The following SLC4A4 variants were observed in gnomAD, a reference collection of about 807,000 sequenced individuals.
SLC4A4 encodes the protein solute carrier family 4 member 4, also known as electrogenic sodium bicarbonate cotransporter 1.
SLC4A4 carries 27 observed loss-of-function variants against 111.5 expected under a neutral mutation model. That is an observed-to-expected ratio of 0.24 (90% CI 0.18 to 0.33). The LOEUF is 0.33. Among genes scored for constraint, SLC4A4 ranks in the 10% least tolerant of loss-of-function variants. The pLI, the probability that SLC4A4 is intolerant of heterozygous loss-of-function variation, is 1.00. For synonymous variants in SLC4A4, 443 were observed against 463.4 expected (o/e 0.96, Z 0.57); for missense variants, 909 against 1,315.5 (o/e 0.69, Z 4.78).
chr4:71,358,557 G>A (rs992505607), intron 6 of SLC4A4, among the ~76,000 whole-genome samples: 4 of 152,140 alleles, frequency 2.6e-5, no homozygotes, highest in African/African-American at 9.7e-5. Flanking sequence ...AACTGGTTAT[G>A]TGCAAATAAT....
At chr4:71,294,998 A>G (rs1417913151) in intron 3 of SLC4A4, among the ~76,000 whole-genome samples, 1 of 152,212 alleles carries the variant, frequency 6.6e-6, no homozygotes, top group African/African-American at 2.4e-5. Context: ...CTGTGCTATA[A>G]TTTCAGGCAT....
chr4:71,492,565 C>T (rs528424373), intron 15 of SLC4A4, among the ~76,000 whole-genome samples: 1 of 152,064 alleles, frequency 6.6e-6, no homozygotes, highest in South Asian at 2.1e-4. Context: ...GGTCTATCCG[C>T]TGTTAGATCC....
rs62302842 is a variant in SLC4A4, at chr4:71,416,072, A to G, written c.807+18419A>G. Among the ~76,000 whole-genome samples, 6 of 152,298 alleles carry G rather than the reference A, an allele frequency of 3.9e-5. No individual in the cohort carries two copies. The South Asian group carries it at 1.2e-3, about 32-fold the overall frequency. On this transcript the variant is annotated intron_variant, in intron 7 of 25. Coordinates refer to ENST00000264485, the MANE Select transcript of SLC4A4 (RefSeq NM_001098484.3). ...TTTCTTCTAGCTCTGTCTAATTCCA[A>G]AGCTTATTCCTGTTTTCACTACTTG...
chr4:71,096,089 G>T (rs1006137477), intron 2 of SLC4A4, among the ~76,000 whole-genome samples: 3 of 152,168 alleles, frequency 2.0e-5, no homozygotes, highest in African/African-American at 7.2e-5. Context: ...AAGGCCGGGA[G>T]AGGGTTTTGG....
chr4:71,220,905 T>C (rs1335420239), intron 1 of SLC4A4, among the ~76,000 whole-genome samples: 2 of 152,278 alleles, frequency 1.3e-5, no homozygotes, highest in East Asian at 3.9e-4. Context: ...GTGTCTGTTA[T>C]TTCCTTCTTT....
At chr4:71,329,177 T>C (rs77144177) in intron 3 of SLC4A4, among the ~76,000 whole-genome samples, 11,599 of 152,120 alleles carry the variant, frequency 0.076, 812 homozygotes, top group Admixed American at 0.22. Context: ...TCCATTGGTT[T>C]GTGTGTCATT....
intron 2 of SLC4A4, among the ~76,000 whole-genome samples, chr4:71,180,587 A>G (rs1745256428): frequency 6.6e-6 from 1 of 152,234 alleles, no homozygotes. Flanking sequence ...TGCAGCCAAC[A>G]CACATGAAAA....
chr4:71,502,957 T>C (rs1166411467), intron 16 of SLC4A4, among the ~76,000 whole-genome samples: 5 of 152,158 alleles, frequency 3.3e-5, no homozygotes, highest in African/African-American at 1.2e-4. Flanking sequence ...TATTGTCTTC[T>C]GTTTCTCCCT....
intron 1 of SLC4A4, among the ~76,000 whole-genome samples, chr4:71,086,669 G>A (rs1476195343): frequency 2.0e-5 from 3 of 151,960 alleles, no homozygotes; most frequent in African/African-American, 4.8e-5. Flanking sequence ...TAATCGTATG[G>A]TTTTTGTCTT....
intron 1 of SLC4A4, among the ~76,000 whole-genome samples, chr4:71,208,145 T>C (rs1286970972): frequency 2.6e-5 from 4 of 151,048 alleles, no homozygotes; most frequent in African/African-American, 9.7e-5. Context: ...AATATAACAA[T>C]GTTGGCTGGG....
intron 6 of SLC4A4, among the ~76,000 whole-genome samples, chr4:71,383,596 G>T (rs6832937): frequency 6.6e-6 from 1 of 152,166 alleles, no homozygotes; most frequent in African/African-American, 2.4e-5. Context: ...TTACTGTTTC[G>T]TAAGGATCTT....
chr4:71,103,563 C>T (rs1281915541), intron 2 of SLC4A4, among the ~76,000 whole-genome samples: 2 of 152,144 alleles, frequency 1.3e-5, no homozygotes, highest in African/African-American at 4.8e-5. Context: ...GAGATTGTAA[C>T]AAACTATCTC....
chr4:71,525,754 G>C (rs1032221271), intron 16 of SLC4A4, among the ~76,000 whole-genome samples: 2 of 152,010 alleles, frequency 1.3e-5, no homozygotes, highest in African/African-American at 4.8e-5. Flanking sequence ...ACCAGTAACA[G>C]CTGTTAATAG....
intron 3 of SLC4A4, among the ~76,000 whole-genome samples, chr4:71,320,124 C>T (rs373232300): frequency 6.8e-4 from 103 of 152,008 alleles, no homozygotes; most frequent in African/African-American, 2.4e-3. Flanking sequence ...TTATTGGGAA[C>T]AATCCCTTCC....
At position 71,567,072 on chromosome 4, in the gene SLC4A4, C is replaced by T. The variant is rs756271324; in HGVS notation, c.*25C>T. On this transcript the variant is annotated 3_prime_UTR_variant, in exon 25 of 26. Coordinates refer to ENST00000264485, the MANE Select transcript of SLC4A4 (RefSeq NM_001098484.3). ...ATAAAATTCCTTTCCTTCAGTCACT[C>T]GGTATGCCAAGGTAAAGGAGAGCCC... is the stretch of plus-strand genomic sequence containing the variant. The T allele has an allele frequency of 2.5e-6, 4 of 1,608,896 alleles. No homozygotes were observed. The highest frequency in any genetic ancestry group is 1.7e-4 in the Middle Eastern group (1 of 6,020).
intron 3 of SLC4A4, among the ~76,000 whole-genome samples, chr4:71,288,660 T>C (rs990108811): frequency 7.2e-5 from 11 of 151,916 alleles, no homozygotes; most frequent in African/African-American, 9.7e-5. Context: ...TGGCCTCCCA[T>C]AGTGCTGAGA....
intron 5 of SLC4A4, among the ~76,000 whole-genome samples, chr4:71,351,112 C>A (rs970599750): frequency 6.6e-6 from 1 of 152,196 alleles, no homozygotes. Flanking sequence ...ATTCAACGCA[C>A]AAAGTACTAA....
In SLC4A4 at chr4:71,317,690, G is replaced by C. The variant is rs530149599; in HGVS notation, c.254-21680G>C. On this transcript the variant is annotated intron_variant, in intron 3 of 25. Coordinates refer to ENST00000264485, the MANE Select transcript of SLC4A4 (RefSeq NM_001098484.3). Reference sequence around the variant, plus strand: ...AGTGGGATTTAGAAGGGTGCCCTATGTTCACAAATACAGTAGAAATAGAAA... The same window carrying C: ...AGTGGGATTTAGAAGGGTGCCCTATCTTCACAAATACAGTAGAAATAGAAA... Among the ~76,000 whole-genome samples, 215 of 152,140 alleles carry C rather than the reference G, an allele frequency of 1.4e-3. 1 individual carries two copies. The highest frequency in any genetic ancestry group is 4.9e-3 in the African/African-American group (204 of 41,514).
chr4:71,516,646 C>A (rs1236135916), intron 16 of SLC4A4, among the ~76,000 whole-genome samples: 1 of 152,128 alleles, frequency 6.6e-6, no homozygotes, highest in African/African-American at 2.4e-5. Flanking sequence ...TTGCAGCCGA[C>A]TGTGTAAGGG....
Sources: gnomAD v4.1 joint callset for allele counts (sites outside exome capture counted in the v4.1 genomes callset) on GRCh38, gnomAD v4.1.1 for gene constraint, MANE v1.5 for transcripts, NCBI Gene and HGNC (gene_info 2026-07-23, HGNC 2026-07-21) for gene names.